The following CIB4 variants were observed in gnomAD, a reference collection of about 807,000 sequenced individuals.
CIB4 encodes calcium and integrin binding family member 4.
A neutral mutation model predicts 25.8 loss-of-function variants in CIB4; 25 were observed. That is an observed-to-expected ratio of 0.97 (90% CI 0.71 to 1.35). CIB4 has a LOEUF of 1.35. Among genes scored for constraint, CIB4 ranks in the 40% most tolerant of loss-of-function variants. CIB4 has a pLI of 0.00. For synonymous variants in CIB4, 75 were observed against 81.4 expected (o/e 0.92, Z 0.42); for missense variants, 235 against 228.2 (o/e 1.03, Z -0.19).
intron 3 of CIB4, among the ~76,000 whole-genome samples, chr2:26,606,536 T>A (rs1668893566): frequency 6.6e-6 from 1 of 152,054 alleles, no homozygotes. Context: ...TTCCAGGGAA[T>A]AAAAATGTGA....
At chr2:26,640,101 CAGGG>C (rs781597774) in intron 2 of CIB4, among the ~76,000 whole-genome samples, 25 of 106,732 alleles carry the variant, frequency 2.3e-4, no homozygotes, top group East Asian at 6.2e-4. Flanking sequence ...GGAGAAAGGG[CAGGG>C]AGGGAGGGAG....
chr2:26,632,446 G>A (rs1337491339), intron 2 of CIB4, among the ~76,000 whole-genome samples: 1 of 152,162 alleles, frequency 6.6e-6, no homozygotes, highest in East Asian at 1.9e-4. Flanking sequence ...CTGCTGAAGT[G>A]TCCAGTGGCC....
intron 3 of CIB4, among the ~76,000 whole-genome samples, chr2:26,609,860 T>C (rs1376171325): frequency 6.6e-6 from 1 of 152,184 alleles, no homozygotes; most frequent in African/African-American, 2.4e-5. Flanking sequence ...GAACAACCAA[T>C]ATGAAAACCC....
In CIB4 at chr2:26,582,782, C is replaced by T. The variant is rs540939424; in HGVS notation, c.527+43G>A. ...AGAGACTGGGGGCCCTTCCTGCCCC[C>T]ACCACTCTCCTGGACAGTCTCACCC... On this transcript the variant is annotated intron_variant, in intron 6 of 6. Transcript: ENST00000288861. 15 of 1,287,914 alleles carry T rather than the reference C, an allele frequency of 1.2e-5. No homozygotes were observed. In the African/African-American group the frequency reaches 1.2e-4, roughly 10 times the overall value. The allele number at this position is 1,287,914 out of a possible 1,614,324, so 79.8% of individuals were successfully genotyped here.
At position 26,589,051 on chromosome 2, in the gene CIB4, TTCTTCTTCCTCTTCC is replaced by T. The variant is rs1558554788; in HGVS notation, c.329-5168_329-5154del. Among the ~76,000 whole-genome samples the T allele has an allele frequency of 5.1e-3, 262 of 51,254 alleles. 9 individuals carry two copies. The highest frequency in any genetic ancestry group is 7.5e-3 in the Non-Finnish European group (197 of 26,344). The allele number at this position is 51,254 out of a possible 152,430, so 33.6% of individuals were successfully genotyped here. A position where few individuals can be genotyped will look rare whatever the true frequency, so the allele number is the denominator to read the frequency against. Reference sequence around the variant, plus strand: ...CTTCTTCTTCTTCTTCTTCTTCTTCTTCTTCTTCCTCTTCCTCTTCCTCTTCTTCTTCTTCTTCTT... The same window carrying T: ...CTTCTTCTTCTTCTTCTTCTTCTTCTTCTTCCTCTTCTTCTTCTTCTTCTT... On this transcript the variant is annotated intron_variant, in intron 4 of 6. Coordinates refer to ENST00000288861, the MANE Select transcript of CIB4 (RefSeq NM_001029881.3).
At chr2:26,620,291 C>T (rs969665183) in intron 3 of CIB4, among the ~76,000 whole-genome samples, 1 of 152,236 alleles carries the variant, frequency 6.6e-6, no homozygotes, top group Non-Finnish European at 1.5e-5. Context: ...CTGGAAGTCC[C>T]TGGTAGCGCT....
chr2:26,586,614 G>A (rs2148188848), intron 4 of CIB4, among the ~76,000 whole-genome samples: 2 of 152,336 alleles, frequency 1.3e-5, no homozygotes, highest in South Asian at 2.1e-4. Context: ...CTCAATGGCT[G>A]TTGTTGAATA....
intron 3 of CIB4, among the ~76,000 whole-genome samples, chr2:26,624,585 A>G (rs2148220160): frequency 6.6e-6 from 1 of 152,200 alleles, no homozygotes; most frequent in South Asian, 2.1e-4. Context: ...ATATTTCTTT[A>G]AAATAAAATG....
At chr2:26,590,765 G>A (rs192374827) in intron 4 of CIB4, among the ~76,000 whole-genome samples, 2,014 of 152,274 alleles carry the variant, frequency 0.013, 41 homozygotes, top group African/African-American at 0.046. Flanking sequence ...ATGAGCCCCT[G>A]AGCATCTATT....
intron 3 of CIB4, among the ~76,000 whole-genome samples, chr2:26,612,163 C>T (rs1558565678): frequency 6.6e-6 from 1 of 152,200 alleles, no homozygotes; most frequent in African/African-American, 2.4e-5. Context: ...CTCTGCAGGG[C>T]AAGGGCTGAA....
At position 26,641,245 on chromosome 2, in the gene CIB4, A is replaced by G. The variant is rs200491839; in HGVS notation, c.54+16T>C. On this transcript the variant is annotated intron_variant, in intron 1 of 6. Transcript: ENST00000288861. ...GCTCCCACCTCTGCCCAGAGTCCCT[A>G]GCCCGATCTACCCACCTGGTACTCT... is the stretch of plus-strand genomic sequence containing the variant. The G allele has an allele frequency of 4.0e-5, 65 of 1,607,436 alleles. 1 individual carries two copies. In the African/African-American group the frequency reaches 6.4e-4, roughly 16 times the overall value.
chr2:26,581,694 G>A (rs1466022738), intron 6 of CIB4, among the ~76,000 whole-genome samples: 1 of 152,252 alleles, frequency 6.6e-6, no homozygotes, highest in Admixed American at 6.5e-5. Context: ...CTTCAATTAT[G>A]TGCTGGGCTG....
intron 4 of CIB4, 44 bp downstream of exon 4, chr2:26,595,132 A>G: frequency 6.4e-7 from 1 of 1,574,252 alleles, no homozygotes; most frequent in Non-Finnish European, 8.7e-7. Context: ...TATGTTCTCT[A>G]TGGCCTTTCC....
chr2:26,598,938 C>T (rs533388445), intron 3 of CIB4, among the ~76,000 whole-genome samples: 2 of 152,018 alleles, frequency 1.3e-5, no homozygotes, highest in Non-Finnish European at 2.9e-5. Context: ...GCAGACAAAA[C>T]AGCCAAGAAG....
At chr2:26,638,193 G>A (rs1309506926) in intron 2 of CIB4, among the ~76,000 whole-genome samples, 1 of 152,164 alleles carries the variant, frequency 6.6e-6, no homozygotes, top group East Asian at 1.9e-4. Context: ...ACTGTGAACT[G>A]GAGCCTTCCC....
At chr2:26,620,299 G>T (rs928383824) in intron 3 of CIB4, among the ~76,000 whole-genome samples, 10 of 152,218 alleles carry the variant, frequency 6.6e-5, no homozygotes, top group African/African-American at 2.4e-4. Context: ...CCCTGGTAGC[G>T]CTGGAAATAG....
At chr2:26,635,322 G>A (rs561784218) in intron 2 of CIB4, among the ~76,000 whole-genome samples, 13 of 152,316 alleles carry the variant, frequency 8.5e-5, no homozygotes, top group South Asian at 4.1e-4. Flanking sequence ...GCCCCCAGGA[G>A]GTGTCATCTG....
At chr2:26,589,912 T>A (rs542943479) in intron 4 of CIB4, among the ~76,000 whole-genome samples, 14 of 152,228 alleles carry the variant, frequency 9.2e-5, no homozygotes, top group Admixed American at 2.6e-4. Flanking sequence ...GAAATGAAGA[T>A]GAGATGTCTT....
Position 26,633,453 on chromosome 2 carries a change from G to T in CIB4, c.90-3947C>A, listed in dbSNP as rs965499563. On this transcript the variant is annotated intron_variant, in intron 2 of 6. Coordinates refer to ENST00000288861, the MANE Select transcript of CIB4 (RefSeq NM_001029881.3). ...TAAACCAAGTTCTTCGGGCTGTGCTGCCCACCCCTAAAGGGCCCACCCTTC... is the reference window on the plus strand; with the variant it reads ...TAAACCAAGTTCTTCGGGCTGTGCTTCCCACCCCTAAAGGGCCCACCCTTC... Among the ~76,000 whole-genome samples, 9 of 152,212 alleles carry T rather than the reference G, an allele frequency of 5.9e-5. No homozygotes were observed. In the East Asian group the frequency reaches 1.7e-3, roughly 29 times the overall value.
Sources: gnomAD v4.1 joint callset for allele counts (sites outside exome capture counted in the v4.1 genomes callset) on GRCh38, gnomAD v4.1.1 for gene constraint, MANE v1.5 for transcripts, NCBI Gene and HGNC (gene_info 2026-07-23, HGNC 2026-07-21) for gene names.